Variants in ADTRP observed in about 807,000 individuals in gnomAD.
The protein encoded by ADTRP is androgen-dependent TFPI-regulating protein.
A neutral mutation model predicts 27.0 loss-of-function variants in ADTRP; 20 were observed. The observed-to-expected ratio is 0.74, with a 90% CI of 0.52 to 1.08. The LOEUF (loss-of-function observed/expected upper bound fraction) is 1.08, where lower values mean the gene tolerates loss of function less well. ADTRP is among the 50% of genes least tolerant of loss of function. ADTRP has a pLI of 0.00. For synonymous variants in ADTRP, 101 were observed against 105.2 expected (o/e 0.96, Z 0.25); for missense variants, 251 against 275.0 (o/e 0.91, Z 0.62).
chr6:11,725,367 C>A (rs1327018821), intron 4 of ADTRP, among the ~76,000 whole-genome samples: 1 of 152,128 alleles, frequency 6.6e-6, no homozygotes, highest in Non-Finnish European at 1.5e-5. Context: ...GGACAAAGGA[C>A]TTGAATAGAC....
At chr6:11,769,183 T>C (rs1763677169) in intron 1 of ADTRP, among the ~76,000 whole-genome samples, 1 of 152,114 alleles carries the variant, frequency 6.6e-6, no homozygotes, top group Non-Finnish European at 1.5e-5. Context: ...CATGAAGATA[T>C]GGAGTTTGGG....
intron 3 of ADTRP, among the ~76,000 whole-genome samples, chr6:11,758,860 C>G (rs965566701): frequency 6.6e-6 from 1 of 152,092 alleles, no homozygotes; most frequent in Non-Finnish European, 1.5e-5. Context: ...AAAGGAACAT[C>G]TGGTCACAAT....
intron 5 of ADTRP, among the ~76,000 whole-genome samples, chr6:11,722,364 G>C (rs1007222660): frequency 6.6e-6 from 1 of 152,100 alleles, no homozygotes; most frequent in Non-Finnish European, 1.5e-5. Context: ...TGAACCTTCT[G>C]AAACTGTCAG....
At chr6:11,735,265 A>C (rs1762512873) in intron 4 of ADTRP, among the ~76,000 whole-genome samples, 1 of 152,208 alleles carries the variant, frequency 6.6e-6, no homozygotes, top group Admixed American at 6.5e-5. Context: ...AGAACCAAGG[A>C]GCAACATTTT....
chr6:11,771,144 T>C (rs1763765109), intron 1 of ADTRP, among the ~76,000 whole-genome samples: 1 of 152,146 alleles, frequency 6.6e-6, no homozygotes, highest in African/African-American at 2.4e-5. Context: ...CCTCCGGGCC[T>C]TCTCCATCAA....
At chr6:11,747,664 C>A (rs1349964318) in intron 3 of ADTRP, among the ~76,000 whole-genome samples, 1 of 152,298 alleles carries the variant, frequency 6.6e-6, no homozygotes, top group African/African-American at 2.4e-5. Flanking sequence ...AACAAATGAA[C>A]CTCATTCCTA....
chr6:11,754,783 T>C (rs899919442), intron 3 of ADTRP, among the ~76,000 whole-genome samples: 10 of 152,178 alleles, frequency 6.6e-5, no homozygotes, highest in Non-Finnish European at 1.0e-4. Context: ...CTACAGCGTG[T>C]CTGCCTCTGG....
At chr6:11,762,650 G>A (rs763943262) in intron 3 of ADTRP, among the ~76,000 whole-genome samples, 1 of 152,180 alleles carries the variant, frequency 6.6e-6, no homozygotes, top group Admixed American at 6.5e-5. Context: ...AGTGGATCTT[G>A]GCTGGGAATT....
chr6:11,772,912 A>G (rs962122847), intron 1 of ADTRP, among the ~76,000 whole-genome samples: 1 of 152,236 alleles, frequency 6.6e-6, no homozygotes, highest in African/African-American at 2.4e-5. Context: ...TAATGAAGAG[A>G]AAAATGAGAC....
chr6:11,743,143 G>T (rs973140461), intron 3 of ADTRP, among the ~76,000 whole-genome samples: 4 of 152,156 alleles, frequency 2.6e-5, no homozygotes, highest in Non-Finnish European at 5.9e-5. Flanking sequence ...TGCACTCAAT[G>T]CTTCAGTGCT....
chr6:11,741,256 G>A (rs1762706495), intron 3 of ADTRP, among the ~76,000 whole-genome samples: 1 of 152,168 alleles, frequency 6.6e-6, no homozygotes, highest in South Asian at 2.1e-4. Context: ...AAAACAAGAT[G>A]AATAAATGGA....
chr6:11,771,026 T>C (rs9470047), intron 1 of ADTRP, among the ~76,000 whole-genome samples: 33,872 of 152,208 alleles, frequency 0.22, 6,130 homozygotes, highest in African/African-American at 0.5. Context: ...TTCCTCAGGC[T>C]GGAGCTTCCT....
chr6:11,761,731 G>T (rs940322033), intron 3 of ADTRP, among the ~76,000 whole-genome samples: 1 of 152,122 alleles, frequency 6.6e-6, no homozygotes, highest in Non-Finnish European at 1.5e-5. Flanking sequence ...TAGGTAAGAG[G>T]CCCATAAATG....
intron 3 of ADTRP, among the ~76,000 whole-genome samples, chr6:11,749,975 G>A (rs1216097801): frequency 6.6e-6 from 1 of 152,074 alleles, no homozygotes; most frequent in Admixed American, 6.5e-5. Flanking sequence ...CCTCTGCTTC[G>A]GGTGGTAGGA....
At chr6:11,740,846 A>C (rs563046182) in intron 3 of ADTRP, among the ~76,000 whole-genome samples, 3 of 152,350 alleles carry the variant, frequency 2.0e-5, no homozygotes, top group African/African-American at 7.2e-5. Flanking sequence ...TTTTGCTTTA[A>C]GTAAATCTGA....
chr6:11,768,941 T>C (rs1019886590), intron 1 of ADTRP, among the ~76,000 whole-genome samples: 1 of 152,076 alleles, frequency 6.6e-6, no homozygotes, highest in Admixed American at 6.5e-5. Context: ...CTTCCTTAAA[T>C]AGGGCACCTG....
rs550731336 is a variant in ADTRP at position 11,720,378 on chromosome 6, G to C, written c.658+2971C>G. 1.3e-3 allele frequency among the ~76,000 whole-genome samples: 203 copies of C among 152,288 alleles called. 1 individual carries two copies. Among genetic ancestry groups the C allele is most frequent in the African/African-American group, 4.8e-3 (200 of 41,566 alleles). On this transcript the variant is annotated intron_variant, in intron 5 of 5. Transcript: ENST00000414691. The stretch of plus-strand genomic sequence containing the variant: ...GGATCATCTCAGGCCACCTGGGCTT[G>C]GTGGTCACTCTACTTAGAGGCTGTC...
At chr6:11,745,148 T>G (rs985387764) in intron 3 of ADTRP, among the ~76,000 whole-genome samples, 12 of 151,240 alleles carry the variant, frequency 7.9e-5, no homozygotes, top group African/African-American at 2.9e-4. Flanking sequence ...ATGCACATAA[T>G]CAGTTGATTT....
intron 3 of ADTRP, among the ~76,000 whole-genome samples, chr6:11,754,370 C>T (rs1763148735): frequency 6.6e-6 from 1 of 152,094 alleles, no homozygotes; most frequent in Admixed American, 6.6e-5. Flanking sequence ...GTTGAAGAGA[C>T]TGAGGAGGGA....
Sources: gnomAD v4.1 joint callset for allele counts (sites outside exome capture counted in the v4.1 genomes callset) on GRCh38, gnomAD v4.1.1 for gene constraint, MANE v1.5 for transcripts, NCBI Gene and HGNC (gene_info 2026-07-23, HGNC 2026-07-21) for gene names.